Variants in ADAM23 observed in about 807,000 individuals in gnomAD.
The protein encoded by ADAM23 is disintegrin and metalloproteinase domain-containing protein 23.
Under a neutral mutation model 120.1 loss-of-function variants are expected in ADAM23, and 33 were observed. The observed-to-expected ratio is 0.27, with a 90% confidence interval of 0.21 to 0.37. ADAM23 has a LOEUF of 0.37. ADAM23 is among the 10% of genes least tolerant of loss of function. The probability of loss-of-function intolerance (pLI) is 1.00; values close to 1 mark genes in which losing one functional copy is unlikely to be tolerated. For missense variants in ADAM23, 862 were observed against 1,058.2 expected, an observed-to-expected ratio of 0.81 and a Z score of 2.57; for synonymous variants, 367 against 375.2, an observed-to-expected ratio of 0.98 and a Z score of 0.25.
At chr2:206,596,252 G>A (rs2105852471) in intron 24 of ADAM23, 90 bp downstream of exon 24, 2 of 934,164 alleles carry the variant, frequency 2.1e-6, no homozygotes, top group South Asian at 3.4e-5. Flanking sequence ...TGACTTAAGA[G>A]GAGACACATA....
chr2:206,558,208 G>T (rs902712277), intron 10 of ADAM23, among the ~76,000 whole-genome samples: 1 of 152,054 alleles, frequency 6.6e-6, no homozygotes, highest in Non-Finnish European at 1.5e-5. Flanking sequence ...ATGTTCCAAT[G>T]AATATTTAAG....
rs139779372 is a variant in ADAM23 at position 206,542,764 on chromosome 2, G to T, written c.657-489G>T. Reference sequence around the variant, plus strand: ...ATGACATAGAGTCATACTGCTTGATGGCAGTTCAGAATTTATAAGCGTAAA... The same window carrying T: ...ATGACATAGAGTCATACTGCTTGATTGCAGTTCAGAATTTATAAGCGTAAA... On this transcript the variant is annotated intron_variant, in intron 5 of 25. Coordinates refer to ENST00000264377, the MANE Select transcript of ADAM23 (RefSeq NM_003812.4). 1.2e-3 allele frequency among the ~76,000 whole-genome samples: 179 copies of T among 152,262 alleles called. 2 individuals are homozygous for T. The highest frequency in any genetic ancestry group is 4.1e-3 in the African/African-American group (172 of 41,542).
intron 14 of ADAM23, among the ~76,000 whole-genome samples, chr2:206,566,436 C>T (rs1401000284): frequency 6.6e-6 from 1 of 151,666 alleles, no homozygotes; most frequent in Non-Finnish European, 1.5e-5. Flanking sequence ...TATAATCACG[C>T]ACTGTATTCC....
At chr2:206,542,879 G>A (rs1042688463) in intron 5 of ADAM23, among the ~76,000 whole-genome samples, 2 of 152,072 alleles carry the variant, frequency 1.3e-5, no homozygotes, top group Non-Finnish European at 2.9e-5. Context: ...TATTGAATTT[G>A]CATAATTAGA....
chr2:206,594,810 A>G lies in ADAM23; in HGVS notation c.2152A>G (p.Met718Val), dbSNP rs564188017. Residue 718 changes from methionine (M) to valine (V), a missense_variant, in exon 23 of 26, where the codon ATG (methionine) becomes GTG (valine). Physicochemically the swap from Met to Val is conservative, Grantham distance 21 (BLOSUM62 1). Around this residue, in one of 4 missense-constraint regions of ADAM23, gnomAD observed 617 missense variants for 813.5 expected, o/e 0.76. Transcript: ENST00000264377. ...AGATGGAACGCCATGTGGCCCGTCT[A>G]TGATGTGTTTAGATCGGAAGTGCCT... ...VEDGTPCGPS[M>V]MCLDRKCLQI... 12 of 1,614,226 alleles carry G rather than the reference A, an allele frequency of 7.4e-6. No individual in the cohort carries two copies. The highest frequency in any genetic ancestry group is 1.0e-5 in the Non-Finnish European group (12 of 1,180,032).
chr2:206,449,487 G>T lies in ADAM23; in HGVS notation c.432+3963G>T, dbSNP rs993572061. ...ACTTTAGTCAAAAACTACTTGTCCT[G>T]CTGGGCGTGGTGGCTCATGCCTGTA... On this transcript the variant is annotated intron_variant, in intron 2 of 25. Coordinates refer to ENST00000264377, the MANE Select transcript of ADAM23 (RefSeq NM_003812.4). Among the ~76,000 whole-genome samples, 4 of 152,318 alleles carry T rather than the reference G, an allele frequency of 2.6e-5. No individual in the cohort carries two copies. In the South Asian group the frequency reaches 8.3e-4, roughly 32 times the overall value.
intron 15 of ADAM23, among the ~76,000 whole-genome samples, chr2:206,569,139 C>G (rs1249295739): frequency 6.6e-6 from 1 of 152,140 alleles, no homozygotes; most frequent in Non-Finnish European, 1.5e-5. Context: ...TTTTACCCAC[C>G]TTGTAGCTTA....
intron 9 of ADAM23, among the ~76,000 whole-genome samples, chr2:206,552,962 C>T (rs927806839): frequency 1.3e-5 from 2 of 152,122 alleles, no homozygotes; most frequent in African/African-American, 4.8e-5. Flanking sequence ...ACCACCATGC[C>T]TGGCCTATTA....
intron 3 of ADAM23, among the ~76,000 whole-genome samples, chr2:206,483,484 T>A (rs1433723849): frequency 6.6e-6 from 1 of 151,956 alleles, no homozygotes. Context: ...CCAACATGGC[T>A]GTGAATGAGG....
intron 2 of ADAM23, among the ~76,000 whole-genome samples, chr2:206,450,896 CGAA>C: frequency 6.6e-6 from 1 of 152,140 alleles, no homozygotes; most frequent in Non-Finnish European, 1.5e-5. Flanking sequence ...CTGGGGAAAA[CGAA>C]GAAGACTAAC....
intron 3 of ADAM23, among the ~76,000 whole-genome samples, chr2:206,499,890 T>A (rs1574499635): frequency 6.6e-6 from 1 of 152,122 alleles, no homozygotes; most frequent in Non-Finnish European, 1.5e-5. Flanking sequence ...CATGAAGTAT[T>A]TTCAATAAAA....
chr2:206,509,252 C>T (rs1258379827), intron 3 of ADAM23, among the ~76,000 whole-genome samples: 2 of 152,018 alleles, frequency 1.3e-5, no homozygotes, highest in East Asian at 1.9e-4. Context: ...AAAACAGATT[C>T]GTATTCAGAA....
chr2:206,443,775 G>C lies in ADAM23; in HGVS notation c.-92G>C. Reference sequence around the variant, plus strand: ...TGCCCGCCGCGGCACCATGCGCGCCGAGCCGGCGTGACCGGCTCCGCCCGC... The same window carrying C: ...TGCCCGCCGCGGCACCATGCGCGCCCAGCCGGCGTGACCGGCTCCGCCCGC... On this transcript the variant is annotated 5_prime_UTR_variant, in exon 1 of 26. Coordinates refer to ENST00000264377, the MANE Select transcript of ADAM23 (RefSeq NM_003812.4). 1 of 702,318 alleles carries C rather than the reference G, an allele frequency of 1.4e-6. No homozygotes were observed. The highest frequency in any genetic ancestry group is 1.8e-6 in the Non-Finnish European group (1 of 571,336). 43.5% of individuals were successfully genotyped at this position (702,318 alleles called of 1,614,324 possible).
intron 3 of ADAM23, among the ~76,000 whole-genome samples, chr2:206,499,594 C>G (rs560122624): frequency 5.7e-4 from 87 of 151,884 alleles, no homozygotes; most frequent in Non-Finnish European, 2.9e-4. Flanking sequence ...ACATATGTAA[C>G]AAACCTGCAC....
At chr2:206,597,219 G>T (rs1204237690) in intron 24 of ADAM23, among the ~76,000 whole-genome samples, 2 of 137,712 alleles carry the variant, frequency 1.5e-5, no homozygotes, top group African/African-American at 5.5e-5. Flanking sequence ...CGACTCTGTC[G>T]ACCAGGCTGG....
At chr2:206,479,567 G>A (rs1695852382) in intron 2 of ADAM23, among the ~76,000 whole-genome samples, 1 of 152,098 alleles carries the variant, frequency 6.6e-6, no homozygotes, top group Non-Finnish European at 1.5e-5. Flanking sequence ...ATATCTTTAT[G>A]CAAAAATTAA....
chr2:206,483,474 C>T (rs1695939270), intron 3 of ADAM23, among the ~76,000 whole-genome samples: 1 of 151,812 alleles, frequency 6.6e-6, no homozygotes, highest in South Asian at 2.1e-4. Context: ...ATGTTAATGA[C>T]CAACATGGCT....
intron 18 of ADAM23, among the ~76,000 whole-genome samples, chr2:206,574,197 A>C (rs903586288): frequency 1.3e-5 from 2 of 152,166 alleles, no homozygotes; most frequent in Admixed American, 1.3e-4. Context: ...ACGTTCAAAA[A>C]GTTTCAGATT....
At chr2:206,606,876 C>T (rs1375648212) in intron 24 of ADAM23, 1 of 151,956 alleles carries the variant, frequency 6.6e-6, no homozygotes, top group Non-Finnish European at 1.5e-5. Flanking sequence ...TCAAAGTGGC[C>T]CAGGAATGAA....
Sources: gnomAD v4.1 joint callset for allele counts (sites outside exome capture counted in the v4.1 genomes callset) on GRCh38, gnomAD v4.1.1 for gene constraint, gnomAD v4.1.1 regional missense constraint, MANE v1.5 for transcripts, NCBI Gene and HGNC (gene_info 2026-07-23, HGNC 2026-07-21) for gene names.